Variants in EPB41L4B observed in about 807,000 individuals in gnomAD.
EPB41L4B encodes the protein band 4.1-like protein 4B.
In EPB41L4B, 30 loss-of-function variants were observed where a neutral mutation model predicts 112.5. The observed-to-expected ratio is 0.27, with a 90% CI of 0.20 to 0.36. The LOEUF (loss-of-function observed/expected upper bound fraction) is 0.36, where lower values mean the gene tolerates loss of function less well. Ranked by LOEUF, EPB41L4B falls within the 10% of genes least tolerant of loss-of-function variation. The probability of loss-of-function intolerance (pLI) is 1.00; values close to 1 mark genes in which losing one functional copy is unlikely to be tolerated. For missense variants in EPB41L4B, 1,024 were observed against 1,133.3 expected (o/e 0.90, Z 1.38); for synonymous variants, 408 against 439.7 (o/e 0.93, Z 0.90).
chr9:109,246,373 C>G (rs970377612), intron 14 of EPB41L4B, among the ~76,000 whole-genome samples: 6 of 152,132 alleles, frequency 3.9e-5, no homozygotes, highest in African/African-American at 1.4e-4. Context: ...TTGCCCAGAC[C>G]GGTCTTGAAT....
chr9:109,309,185 A>G (rs1413978549), intron 1 of EPB41L4B, among the ~76,000 whole-genome samples: 1 of 152,130 alleles, frequency 6.6e-6, no homozygotes, highest in East Asian at 1.9e-4. Context: ...GGAAATGAAG[A>G]TGACTACTTA....
intron 2 of EPB41L4B, among the ~76,000 whole-genome samples, chr9:109,272,384 C>G (rs1241903427): frequency 6.6e-6 from 1 of 152,144 alleles, no homozygotes; most frequent in Non-Finnish European, 1.5e-5. Context: ...ATCACTTGAG[C>G]CCAGGAGATC....
intron 20 of EPB41L4B, among the ~76,000 whole-genome samples, chr9:109,196,642 G>C (rs1402772311): frequency 6.9e-6 from 1 of 144,932 alleles, no homozygotes; most frequent in Non-Finnish European, 1.5e-5. Flanking sequence ...CACCTGAGCT[G>C]AATCACCTGA....
intron 1 of EPB41L4B, among the ~76,000 whole-genome samples, chr9:109,281,423 C>T (rs1836032571): frequency 6.6e-6 from 1 of 152,158 alleles, no homozygotes; most frequent in Non-Finnish European, 1.5e-5. Flanking sequence ...ATTAAAAAGG[C>T]CGGGCACAGT....
At chr9:109,311,799 C>T (rs908570472) in intron 1 of EPB41L4B, among the ~76,000 whole-genome samples, 9 of 152,106 alleles carry the variant, frequency 5.9e-5, no homozygotes, top group African/African-American at 1.2e-4. Context: ...AAAATGAGTC[C>T]GGAAACCTAA....
At chr9:109,199,168 A>G (rs1832741780) in intron 20 of EPB41L4B, among the ~76,000 whole-genome samples, 1 of 152,082 alleles carries the variant, frequency 6.6e-6, no homozygotes, top group African/African-American at 2.4e-5. Context: ...ACATTTTGGG[A>G]AATGGCTCCT....
At chr9:109,193,124 A>T (rs1479989877) in intron 21 of EPB41L4B, among the ~76,000 whole-genome samples, 1 of 152,218 alleles carries the variant, frequency 6.6e-6, no homozygotes, top group African/African-American at 2.4e-5. Flanking sequence ...CCAGGCTGAG[A>T]TGCCAATAGG....
rs576200039 is a variant in EPB41L4B at position 109,194,471 on chromosome 9, G to A, written c.2046-74C>T. 180 of 1,496,400 alleles carry A rather than the reference G, an allele frequency of 1.2e-4. 1 individual carries two copies. The East Asian group carries it at 3.4e-3, about 28-fold the overall frequency. The allele number at this position is 1,496,400 out of a possible 1,614,324, so 92.7% of individuals were successfully genotyped here. A position where few individuals can be genotyped will look rare whatever the true frequency, so the allele number is the denominator to read the frequency against. On this transcript the variant is annotated intron_variant, in intron 20 of 25. Coordinates refer to ENST00000374566, the MANE Select transcript of EPB41L4B (RefSeq NM_019114.5). ...AGGCTGTGAGGAGTGGACGGAGGATGGGCAGGGGTGGGAAGACCAGGGATG... is the reference window on the plus strand; with the variant it reads ...AGGCTGTGAGGAGTGGACGGAGGATAGGCAGGGGTGGGAAGACCAGGGATG...
rs149158794 is a variant in EPB41L4B at position 109,270,664 on chromosome 9, G to C, written c.412-2231C>G. Reference sequence around the variant, plus strand: ...CCCTAGTCTAATTAGCCCATGAGAGGCTTGTCACTTAAAGGAGCTTGTTCC... The same window carrying C: ...CCCTAGTCTAATTAGCCCATGAGAGCCTTGTCACTTAAAGGAGCTTGTTCC... On this transcript the variant is annotated intron_variant, in intron 2 of 25. Coordinates refer to ENST00000374566, the MANE Select transcript of EPB41L4B (RefSeq NM_019114.5). Among the ~76,000 whole-genome samples the C allele has an allele frequency of 2.4e-3, 371 of 152,316 alleles. 1 individual carries two copies. The highest frequency in any genetic ancestry group is 8.3e-3 in the African/African-American group (346 of 41,572).
Position 109,253,426 on chromosome 9 carries a change from T to TA in EPB41L4B, c.1279+14_1279+15insT. 6.3e-7 allele frequency: 1 copy of TA among 1,576,214 alleles called. No homozygotes were observed. ...CATAATGTAAAATTCCAAGAAAGAA[T>TA]GAAAAACACACAACCTTTGAACGTT... On this transcript the variant is annotated intron_variant, in intron 12 of 25. Coordinates refer to ENST00000374566, the MANE Select transcript of EPB41L4B (RefSeq NM_019114.5).
At chr9:109,192,592 C>T (rs907648085) in intron 21 of EPB41L4B, among the ~76,000 whole-genome samples, 1 of 152,218 alleles carries the variant, frequency 6.6e-6, no homozygotes, top group Middle Eastern at 3.4e-3. Flanking sequence ...AGCTGCGGGC[C>T]GCTTTTCTTA....
intron 10 of EPB41L4B, 31 bp from the exon 11 acceptor site, chr9:109,255,711 G>A: frequency 6.2e-7 from 1 of 1,610,080 alleles, no homozygotes; most frequent in Non-Finnish European, 8.5e-7. Flanking sequence ...GCCTCGAGTG[G>A]GCGTTTGCAA....
intron 1 of EPB41L4B, among the ~76,000 whole-genome samples, chr9:109,297,923 A>G (rs1436396016): frequency 1.3e-5 from 2 of 152,228 alleles, no homozygotes; most frequent in Non-Finnish European, 2.9e-5. Context: ...AACCCTGTCT[A>G]TGGTGAGCTT....
chr9:109,222,617 G>A (rs1833619273), intron 15 of EPB41L4B, among the ~76,000 whole-genome samples: 1 of 152,228 alleles, frequency 6.6e-6, no homozygotes, highest in South Asian at 2.1e-4. Flanking sequence ...CAGAGACTGA[G>A]GTTCATGAGA....
At chr9:109,276,316 G>GC (rs935432335) in intron 2 of EPB41L4B, among the ~76,000 whole-genome samples, 6 of 151,620 alleles carry the variant, frequency 4.0e-5, no homozygotes, top group Admixed American at 3.3e-4. Context: ...GGTGAGGGGG[G>GC]GGTCATCTGA....
At chr9:109,212,281 C>T (rs1833209342) in intron 17 of EPB41L4B, among the ~76,000 whole-genome samples, 1 of 152,184 alleles carries the variant, frequency 6.6e-6, no homozygotes, top group South Asian at 2.1e-4. Context: ...ATTGTGTACA[C>T]TGCAGAAGAA....
At chr9:109,245,384 G>C (rs1291579303) in intron 14 of EPB41L4B, among the ~76,000 whole-genome samples, 1 of 152,220 alleles carries the variant, frequency 6.6e-6, no homozygotes, top group Non-Finnish European at 1.5e-5. Flanking sequence ...AAAGATTTTG[G>C]AAACTTCCTT....
At chr9:109,190,859 G>A (rs1832435915) in intron 22 of EPB41L4B, among the ~76,000 whole-genome samples, 1 of 152,224 alleles carries the variant, frequency 6.6e-6, no homozygotes, top group Non-Finnish European at 1.5e-5. Flanking sequence ...AGTTGAGGAA[G>A]CCCTGGTCAC....
chr9:109,204,920 T>C (rs75400402), intron 18 of EPB41L4B, among the ~76,000 whole-genome samples: 1 of 152,342 alleles, frequency 6.6e-6, no homozygotes, highest in Non-Finnish European at 1.5e-5. Flanking sequence ...CCTAGCAGTA[T>C]ACTTGGCTGT....
Sources: allele counts gnomAD v4.1 joint callset (sites outside exome capture counted in the v4.1 genomes callset), GRCh38; gene constraint gnomAD v4.1.1; transcripts MANE v1.5; gene names NCBI Gene and HGNC (gene_info 2026-07-23, HGNC 2026-07-21).